Variants in RGS8 observed in about 807,000 individuals in gnomAD.
The protein encoded by RGS8 is regulator of G-protein signaling 8.
In RGS8, 8 loss-of-function variants were observed where a neutral mutation model predicts 21.7. The observed-to-expected ratio is 0.37, with a 90% CI of 0.22 to 0.66. The LOEUF (loss-of-function observed/expected upper bound fraction) is 0.66. Ranked by LOEUF, RGS8 falls within the 30% of genes least tolerant of loss-of-function variation. The pLI is 0.59. For missense variants in RGS8, 157 were observed against 217.9 expected (o/e 0.72, Z 1.76); for synonymous variants, 80 against 83.6 (o/e 0.96, Z 0.24).
At chr1:182,742,307 C>T in the RGS8 span, among the ~76,000 whole-genome samples, 10 of 150,534 alleles carry the variant, frequency 6.6e-5, 1 homozygote, top group South Asian at 6.4e-4. Context: ...GGTGGCCAGG[C>T]GGAGACGCTC....
At chr1:182,642,421 G>A (rs1662507040), downstream of RGS8, 1 of 152,428 alleles carries the variant, frequency 6.6e-6, no homozygotes, top group Non-Finnish European at 1.5e-5. Flanking sequence ...GTGCAGACAG[G>A]GTCAGGAGAA....
At chr1:182,678,580 G>GA (rs1664443313) in intron 1 of RGS8, among the ~76,000 whole-genome samples, 1 of 152,172 alleles carries the variant, frequency 6.6e-6, no homozygotes, top group Non-Finnish European at 1.5e-5. Context: ...CTCCAACTCA[G>GA]AGTTCCTGGA....
chr1:182,720,902 CAT>C, the RGS8 span, among the ~76,000 whole-genome samples: 4 of 31,488 alleles, frequency 1.3e-4, 1 homozygote, highest in South Asian at 1.1e-3. Context: ...CATATATATA[CAT>C]ATGTGTGTGT....
chr1:182,746,885 C>A, the RGS8 span, among the ~76,000 whole-genome samples: 1 of 151,820 alleles, frequency 6.6e-6, no homozygotes, highest in Non-Finnish European at 1.5e-5. Context: ...GATGCTCTGA[C>A]CTGCATCTCC....
the RGS8 span, among the ~76,000 whole-genome samples, chr1:182,716,475 T>C: frequency 8.7e-6 from 1 of 115,246 alleles, no homozygotes; most frequent in Admixed American, 8.0e-5. Flanking sequence ...TTTTTTATTG[T>C]TTTTTTTTTC....
chr1:182,667,345 G>A (rs534101108), intron 3 of RGS8, among the ~76,000 whole-genome samples: 24 of 152,334 alleles, frequency 1.6e-4, no homozygotes, highest in Admixed American at 1.2e-3. Context: ...AGTAACAGCA[G>A]CAGCAGCAGC....
the RGS8 span, among the ~76,000 whole-genome samples, chr1:182,737,772 T>C: frequency 6.6e-6 from 1 of 152,050 alleles, no homozygotes; most frequent in Admixed American, 6.6e-5. Context: ...GGCCCTCTTA[T>C]CTTTGGGGGC....
At chr1:182,666,121 T>C in intron 4 of RGS8, 88 bp from the exon 6 acceptor site, 2 of 1,168,408 alleles carry the variant, frequency 1.7e-6, no homozygotes, top group Non-Finnish European at 2.5e-6. Flanking sequence ...AGAAAACAAA[T>C]TGGAAAAATG....
the RGS8 span, among the ~76,000 whole-genome samples, chr1:182,741,107 C>T: frequency 6.6e-6 from 1 of 151,636 alleles, no homozygotes; most frequent in Admixed American, 6.6e-5. Flanking sequence ...GGCAGAGGGG[C>T]TCCTCACTTC....
chr1:182,726,737 A>G, the RGS8 span, among the ~76,000 whole-genome samples: 3 of 152,156 alleles, frequency 2.0e-5, no homozygotes, highest in Non-Finnish European at 4.4e-5. Flanking sequence ...AGGAAACTAG[A>G]AAGTAATGCA....
At chr1:182,649,682 G>T (rs562115608) in intron 5 of RGS8, among the ~76,000 whole-genome samples, 1 of 152,170 alleles carries the variant, frequency 6.6e-6, no homozygotes, top group African/African-American at 2.4e-5. Context: ...GATAGCTTAT[G>T]CATCCAGTTA....
upstream of RGS8, chr1:182,672,032 C>G: frequency 1.5e-6 from 1 of 681,182 alleles, no homozygotes; most frequent in Non-Finnish European, 2.1e-6. Flanking sequence ...CTCAGCCTCA[C>G]TAACCTGAAG....
chr1:182,669,770 G>T lies in RGS8; in HGVS notation c.-103-18C>A. ...CCTCTCACCTAAAATCAAAGAATCT[G>T]CTGTAAGAGGGGCCACCCTCTCTCA... On this transcript the variant is annotated intron_variant, in intron 2 of 6. Coordinates refer to ENST00000483095, the Ensembl canonical transcript of RGS8. 6 of 1,560,812 alleles carry T rather than the reference G, an allele frequency of 3.8e-6. No individual in the cohort carries two copies. The highest frequency in any genetic ancestry group is 5.2e-6 in the Non-Finnish European group (6 of 1,152,044).
chr1:182,705,872 G>C, the RGS8 span, among the ~76,000 whole-genome samples: 3 of 152,270 alleles, frequency 2.0e-5, no homozygotes, highest in East Asian at 5.8e-4. Flanking sequence ...AGAATTTTAG[G>C]AGCAAGTGGG....
At chr1:182,674,481 C>G (rs138025925), upstream of RGS8, among the ~76,000 whole-genome samples, 13 of 151,698 alleles carry the variant, frequency 8.6e-5, no homozygotes, top group Non-Finnish European at 1.6e-4. Context: ...TTTTTCTAAT[C>G]AAAACACTCC....
At chr1:182,702,600 G>A in the RGS8 span, among the ~76,000 whole-genome samples, 24 of 152,132 alleles carry the variant, frequency 1.6e-4, no homozygotes, top group Middle Eastern at 3.4e-3. Context: ...GGGATCAGTC[G>A]GTTAAATAAT....
At chr1:182,669,903 A>G (rs1006886905) in intron 2 of RGS8, among the ~76,000 whole-genome samples, 151 bp from the exon 4 acceptor site, 1 of 152,238 alleles carries the variant, frequency 6.6e-6, no homozygotes, top group Non-Finnish European at 1.5e-5. Context: ...CAGGGGCGAC[A>G]AACCAAGGAT....
chr1:182,653,660 T>C (rs571699706), intron 5 of RGS8, among the ~76,000 whole-genome samples: 10 of 152,000 alleles, frequency 6.6e-5, no homozygotes, highest in Non-Finnish European at 1.3e-4. Flanking sequence ...CACCACTGCA[T>C]TCCAGCCCGG....
At chr1:182,688,733 T>A (rs2102463137), upstream of RGS8, among the ~76,000 whole-genome samples, 1 of 152,248 alleles carries the variant, frequency 6.6e-6, no homozygotes, top group South Asian at 2.1e-4. Context: ...TTGCTAGCTT[T>A]GAAATGGAGA....
Sources: gnomAD v4.1 joint callset for allele counts (sites outside exome capture counted in the v4.1 genomes callset) on GRCh38, gnomAD v4.1.1 for gene constraint, MANE v1.5 for transcripts, NCBI Gene and HGNC (gene_info 2026-07-23, HGNC 2026-07-21) for gene names.